ABCB11: variants seen among roughly 807,000 people sequenced by gnomAD.
ABCB11 encodes bile salt export pump.
Under a neutral mutation model 148.0 loss-of-function variants are expected in ABCB11, and 95 were observed. That is an observed-to-expected ratio of 0.64 (90% CI 0.54 to 0.76). The LOEUF is 0.76. Ranked by LOEUF, ABCB11 falls within the 30% of genes least tolerant of loss-of-function variation. The probability of loss-of-function intolerance (pLI) is 0.00; values close to 1 mark genes in which losing one functional copy is unlikely to be tolerated. For synonymous variants in ABCB11, 591 were observed against 555.4 expected (o/e 1.06, Z -0.90); for missense variants, 1,523 against 1,617.8 (o/e 0.94, Z 1.01).
At position 169,023,377 on chromosome 2, in the gene ABCB11, T is replaced by G. The variant is rs12617788; in HGVS notation, c.-27-5225A>C. Reference sequence around the variant, plus strand: ...TTTTCCAGATAAGGGCACTAAAGTATGAAGGACTAAGTCACAAGCTCAAGA... The same window carrying G: ...TTTTCCAGATAAGGGCACTAAAGTAGGAAGGACTAAGTCACAAGCTCAAGA... On this transcript the variant is annotated intron_variant, in intron 1 of 27. Transcript: ENST00000650372. 0.015 allele frequency among the ~76,000 whole-genome samples: 2,270 copies of G among 152,292 alleles called. 253 individuals carry two copies. The East Asian group carries it at 0.29, about 20-fold the overall frequency.
chr2:168,992,433 T>C (rs1039977220), intron 8 of ABCB11, among the ~76,000 whole-genome samples: 3 of 152,050 alleles, frequency 2.0e-5, no homozygotes, highest in African/African-American at 7.2e-5. Context: ...AAAAAATGTT[T>C]GCAAAACCCC....
intron 15 of ABCB11, 77 bp from the exon 16 acceptor site, chr2:168,969,628 C>A: frequency 7.6e-7 from 1 of 1,314,414 alleles, no homozygotes; most frequent in Non-Finnish European, 1.1e-6. Flanking sequence ...ATTTCAGAAT[C>A]CATAGGAAAG....
downstream of ABCB11, among the ~76,000 whole-genome samples, chr2:168,915,477 C>A (rs768325693): frequency 6.6e-6 from 1 of 152,154 alleles, no homozygotes; most frequent in Admixed American, 6.5e-5. Flanking sequence ...ACAGCAACAA[C>A]AACAACAACA....
intron 19 of ABCB11, among the ~76,000 whole-genome samples, chr2:168,951,721 A>G (rs1692578264): frequency 6.6e-6 from 1 of 151,460 alleles, no homozygotes; most frequent in Admixed American, 6.6e-5. Flanking sequence ...CCTCTTTTCT[A>G]ATTTGCATGC....
chr2:168,986,380 A>G, intron 9 of ABCB11, 96 bp from the exon 10 acceptor site: 5 of 1,085,296 alleles, frequency 4.6e-6, no homozygotes, highest in Non-Finnish European at 6.8e-6. Flanking sequence ...CAAAATGATC[A>G]TAAAATCATC....
chr2:168,937,047 C>T (rs1484091057), intron 21 of ABCB11, among the ~76,000 whole-genome samples: 3 of 152,040 alleles, frequency 2.0e-5, no homozygotes, highest in Non-Finnish European at 4.4e-5. Flanking sequence ...TGCCACTACA[C>T]CTGCTAATTT....
chr2:169,031,292 A>G lies in ABCB11; in HGVS notation c.-95T>C, dbSNP rs1695861890. ...CCACTGTGGAGAGTTAAAAGGTTTCACAACCTTTTCCAACCTCGGTTTTCA... is the reference window on the plus strand; with the variant it reads ...CCACTGTGGAGAGTTAAAAGGTTTCGCAACCTTTTCCAACCTCGGTTTTCA... On this transcript the variant is annotated 5_prime_UTR_variant, in exon 1 of 28. Coordinates refer to ENST00000650372, the MANE Select transcript of ABCB11 (RefSeq NM_003742.4). The G allele has an allele frequency of 6.6e-6, 1 of 152,224 alleles. No homozygotes were observed. Among genetic ancestry groups the G allele is most frequent in the Non-Finnish European group, 1.5e-5 (1 of 68,036 alleles). 9.4% of individuals were successfully genotyped at this position (152,224 alleles called of 1,614,324 possible). A position where few individuals can be genotyped will look rare whatever the true frequency, so the allele number is the denominator to read the frequency against.
chr2:168,963,405 A>G (rs896555717), intron 18 of ABCB11, among the ~76,000 whole-genome samples: 3 of 151,710 alleles, frequency 2.0e-5, no homozygotes, highest in African/African-American at 7.3e-5. Context: ...TGCCATGAAA[A>G]TTTTCTAACG....
intron 4 of ABCB11, among the ~76,000 whole-genome samples, chr2:169,013,923 A>C (rs1055881142): frequency 8.5e-5 from 13 of 152,306 alleles, no homozygotes; most frequent in African/African-American, 1.9e-4. Flanking sequence ...GAAGAATGCC[A>C]ATTTCTGCCT....
At chr2:169,028,776 G>C (rs1695776754) in intron 1 of ABCB11, among the ~76,000 whole-genome samples, 1 of 152,100 alleles carries the variant, frequency 6.6e-6, no homozygotes, top group Admixed American at 6.5e-5. Flanking sequence ...TTAGGAAATG[G>C]GTTTGAGAAG....
intron 23 of ABCB11, among the ~76,000 whole-genome samples, chr2:168,933,775 C>T (rs995895484): frequency 6.6e-6 from 1 of 151,864 alleles, no homozygotes; most frequent in African/African-American, 2.4e-5. Flanking sequence ...GATGGAGTCT[C>T]ACTCTGTCAC....
In ABCB11 at chr2:168,971,927, T is replaced by A. The variant is rs1162621436; in HGVS notation, c.1558A>T (p.Arg520Ter). Residue 520 changes from arginine (R) to a stop codon, truncating the protein, a stop_gained, in exon 14 of 28, where the codon AGA (arginine) becomes TGA (stop). Transcript: ENST00000650372. LOFTEE classifies it high-confidence loss of function. ...TTIAENIRYG[R>*]EDATMEDIVQ... is the part of the protein sequence containing the mutation. ...ATGTCTTCCATTGTTGCATCTTCTC[T>A]GCCATAGCGAATATTTTCTGCAATG... 1.2e-6 allele frequency: 2 copies of A among 1,613,028 alleles called. No individual in the cohort carries two copies. Among genetic ancestry groups the A allele is most frequent in the Non-Finnish European group, 1.7e-6 (2 of 1,179,424 alleles).
rs79356986 is a variant in ABCB11, at chr2:168,922,706, T to G, written c.*916A>C. On this transcript the variant is annotated 3_prime_UTR_variant, in exon 28 of 28. Coordinates refer to ENST00000650372, the MANE Select transcript of ABCB11 (RefSeq NM_003742.4). The stretch of plus-strand genomic sequence containing the variant: ...TGCCGCCTTTAGTTCTATGTCATTC[T>G]GTGGTGTTTTGAGGGAGCAGGGGCA... Among the ~76,000 whole-genome samples the G allele has an allele frequency of 0.012, 1,859 of 152,340 alleles. 35 individuals are homozygous for G. The highest frequency in any genetic ancestry group is 0.042 in the African/African-American group (1,732 of 41,564).
intron 16 of ABCB11, 62 bp downstream of exon 16, chr2:168,969,288 G>A (rs1035310588): frequency 8.3e-6 from 12 of 1,452,222 alleles, no homozygotes; most frequent in South Asian, 3.7e-5. Flanking sequence ...ATAGAAAACC[G>A]TAAAGCACTA....
At chr2:168,978,962 C>T (rs149240200) in intron 11 of ABCB11, among the ~76,000 whole-genome samples, 25 of 152,194 alleles carry the variant, frequency 1.6e-4, no homozygotes, top group African/African-American at 2.2e-4. Context: ...TCAGGTGACG[C>T]GCCCACCTTG....
chr2:169,017,214 C>A (rs1250088758), intron 2 of ABCB11, among the ~76,000 whole-genome samples: 1 of 152,006 alleles, frequency 6.6e-6, no homozygotes, highest in African/African-American at 2.4e-5. Context: ...AAAATATAGA[C>A]CACAAATTAA....
At position 168,998,934 on chromosome 2, in the gene ABCB11, C is replaced by A. The variant is rs145836251; in HGVS notation, c.390-2212G>T. Among the ~76,000 whole-genome samples, 9 of 152,166 alleles carry A rather than the reference C, an allele frequency of 5.9e-5. No individual in the cohort carries two copies. The East Asian group carries it at 1.7e-3, about 29-fold the overall frequency. On this transcript the variant is annotated intron_variant, in intron 5 of 27. Coordinates refer to ENST00000650372, the MANE Select transcript of ABCB11 (RefSeq NM_003742.4). ...TTCTGGAACAACAGAAAAAACCTAT[C>A]AGAAAAACTGACAGGAAGGAAAAGA...
intron 9 of ABCB11, among the ~76,000 whole-genome samples, chr2:168,988,954 G>A (rs946060631): frequency 6.6e-6 from 1 of 151,986 alleles, no homozygotes; most frequent in South Asian, 2.1e-4. Context: ...GTCTATTCAG[G>A]TCTTTTGACC....
intron 5 of ABCB11, among the ~76,000 whole-genome samples, chr2:168,999,901 T>A (rs1331277784): frequency 6.6e-6 from 1 of 152,150 alleles, no homozygotes; most frequent in Non-Finnish European, 1.5e-5. Context: ...ATTACTAAAC[T>A]GTTTTCCAGG....
Sources: gnomAD v4.1 joint callset for allele counts (sites outside exome capture counted in the v4.1 genomes callset) on GRCh38, gnomAD v4.1.1 for gene constraint, MANE v1.5 for transcripts, NCBI Gene and HGNC (gene_info 2026-07-23, HGNC 2026-07-21) for gene names.